Variants in NLN observed in about 807,000 individuals in gnomAD.
NLN encodes neurolysin, also known as neurolysin, mitochondrial.
Under a neutral mutation model 79.9 loss-of-function variants are expected in NLN, and 64 were observed. That is an observed-to-expected ratio of 0.80 (90% CI 0.65 to 0.99). NLN has a LOEUF of 0.99. Ranked by LOEUF, NLN falls within the 50% of genes least tolerant of loss-of-function variation. The pLI is 0.00. For synonymous variants in NLN, 267 were observed against 296.6 expected (o/e 0.90, Z 1.02); for missense variants, 835 against 858.7 (o/e 0.97, Z 0.34).
rs942919461 is a variant in NLN, at chr5:65,827,965, C to G, written c.*5050C>G. On this transcript the variant is annotated 3_prime_UTR_variant, in exon 13 of 13. Coordinates refer to ENST00000380985, the MANE Select transcript of NLN (RefSeq NM_020726.5). The stretch of plus-strand genomic sequence containing the variant: ...CCCGGAGGTGGAGGTTGCAGTGAGC[C>G]GACATTGTGCCGCTTCATTCCAGCC... 4 of 152,158 alleles carry G rather than the reference C, an allele frequency of 2.6e-5. No individual in the cohort carries two copies. Among genetic ancestry groups the G allele is most frequent in the Non-Finnish European group, 5.9e-5 (4 of 68,048 alleles). The allele number at this position is 152,158 out of a possible 1,614,324, so 9.4% of individuals were successfully genotyped here. A position where few individuals can be genotyped will look rare whatever the true frequency, so the allele number is the denominator to read the frequency against.
chr5:65,754,340 T>G (rs1236998252), intron 1 of NLN, among the ~76,000 whole-genome samples: 2 of 152,160 alleles, frequency 1.3e-5, no homozygotes, highest in Admixed American at 1.3e-4. Context: ...GTACTCACAC[T>G]TAGTGGGAAT....
In NLN at chr5:65,756,146, T is replaced by C. The variant is rs568004487; in HGVS notation, c.42-2421T>C. Among the ~76,000 whole-genome samples the C allele has an allele frequency of 3.9e-5, 6 of 152,312 alleles. No individual in the cohort carries two copies. In the South Asian group the frequency reaches 1.2e-3, roughly 32 times the overall value. Reference sequence around the variant, plus strand: ...GGTCCTAGAACCCATATTGGCCTAATATTCCTTCTCCCTCAGTGATCATAT... The same window carrying C: ...GGTCCTAGAACCCATATTGGCCTAACATTCCTTCTCCCTCAGTGATCATAT... On this transcript the variant is annotated intron_variant, in intron 1 of 12. Transcript: ENST00000380985.
In NLN at chr5:65,809,503, T is replaced by A; in HGVS notation, c.1528-12T>A. 6.4e-7 allele frequency: 1 copy of A among 1,572,870 alleles called. No homozygotes were observed. Among genetic ancestry groups the A allele is most frequent in the Admixed American group, 2.0e-5 (1 of 49,054 alleles). On this transcript the variant is annotated splice_polypyrimidine_tract_variant and intron_variant, in intron 9 of 12. Transcript: ENST00000380985. ...GAGTTCTTTAAAAAAATTCTCTGTG[T>A]TTGCTTTCTAGACTGATTTTGCACG...
At chr5:65,783,126 G>C (rs1759834243) in intron 6 of NLN, among the ~76,000 whole-genome samples, 1 of 152,170 alleles carries the variant, frequency 6.6e-6, no homozygotes, top group Non-Finnish European at 1.5e-5. Flanking sequence ...AAGTAGATTA[G>C]AGGTTACCAG....
At position 65,828,517 on chromosome 5, in the gene NLN, GGA is replaced by G. The variant is rs1760962078; in HGVS notation, c.*5609_*5610del. 6.6e-6 allele frequency: 1 copy of G among 152,160 alleles called. No individual in the cohort carries two copies. The highest frequency in any genetic ancestry group is 2.4e-5 in the African/African-American group (1 of 41,434). The allele number at this position is 152,160 out of a possible 1,614,324, so 9.4% of individuals were successfully genotyped here. On this transcript the variant is annotated 3_prime_UTR_variant, in exon 13 of 13. Coordinates refer to ENST00000380985, the MANE Select transcript of NLN (RefSeq NM_020726.5). ...TGTTTTCAAATTCTTGAAGGAAATG[GGA>G]GAGAGAATAGGCTAATTCTGTATTG...
intron 7 of NLN, 69 bp from the exon 8 acceptor site, chr5:65,788,049 C>G (rs909226780): frequency 4.8e-6 from 7 of 1,468,222 alleles, no homozygotes; most frequent in Admixed American, 1.9e-5. Flanking sequence ...TGCTAAAACA[C>G]AGGTGGTATT....
In NLN at chr5:65,811,112, T is replaced by A. The variant is rs200230773; in HGVS notation, c.1843+947T>A. The stretch of plus-strand genomic sequence containing the variant: ...ACTCATGCATGGGCGTGTTTATATT[T>A]GTATGTGTATGTTTTAAGCCAATAT... On this transcript the variant is annotated intron_variant, in intron 11 of 12. Transcript: ENST00000380985. Among the ~76,000 whole-genome samples the A allele has an allele frequency of 4.7e-4, 71 of 152,362 alleles. 1 individual carries two copies. The East Asian group carries it at 0.013, about 28-fold the overall frequency.
chr5:65,778,565 A>G (rs1322108405), intron 4 of NLN, among the ~76,000 whole-genome samples: 1 of 152,228 alleles, frequency 6.6e-6, no homozygotes, highest in African/African-American at 2.4e-5. Context: ...TGTTTGGAGC[A>G]TGAACACTGT....
intron 1 of NLN, among the ~76,000 whole-genome samples, chr5:65,728,741 G>C (rs570815943): frequency 6.6e-6 from 1 of 152,284 alleles, no homozygotes; most frequent in East Asian, 1.9e-4. Flanking sequence ...AAATTCAGGA[G>C]TTGTGGTCTG....
intron 12 of NLN, among the ~76,000 whole-genome samples, chr5:65,814,544 A>G (rs929505667): frequency 1.3e-5 from 2 of 152,144 alleles, no homozygotes; most frequent in Admixed American, 6.6e-5. Context: ...TCCAAAACCA[A>G]AAGTGATCTT....
At chr5:65,812,517 G>A (rs1011938761) in intron 12 of NLN, 126 bp downstream of exon 12, 12 of 636,446 alleles carry the variant, frequency 1.9e-5, no homozygotes, top group African/African-American at 1.5e-4. Flanking sequence ...TTACCTCTGA[G>A]GCCCTGCATC....
chr5:65,809,688 G>T lies in NLN; in HGVS notation c.1701G>T (p.Arg567Ser). The change falls in exon 10 of 13, where the codon AGG (arginine) becomes AGT (serine). Residue 567 changes from arginine (R) to serine (S), a missense_variant. Physicochemically the swap from Arg to Ser is moderately radical, Grantham distance 110. Transcript: ENST00000380985. ...DDLLEKLVAS[R>S]LVNTGLLTLR... ...TGCTTGAAAAACTTGTTGCTTCTAG[G>T]CTGGTCAACACAGGTATGACTTCTA... 6.2e-7 allele frequency: 1 copy of T among 1,605,428 alleles called. No homozygotes were observed. Among genetic ancestry groups the T allele is most frequent in the Non-Finnish European group, 8.5e-7 (1 of 1,177,230 alleles).
intron 12 of NLN, among the ~76,000 whole-genome samples, chr5:65,820,755 T>C (rs1323563106): frequency 6.6e-6 from 1 of 151,854 alleles, no homozygotes; most frequent in African/African-American, 2.4e-5. Flanking sequence ...CGAAAGCTAA[T>C]TGAAGGCTGG....
intron 9 of NLN, among the ~76,000 whole-genome samples, chr5:65,802,626 C>T (rs925901203): frequency 1.3e-5 from 2 of 152,174 alleles, no homozygotes; most frequent in Admixed American, 1.3e-4. Flanking sequence ...GAGTTCCTGT[C>T]CCGTGCCCAG....
chr5:65,820,458 G>C (rs544304520), intron 12 of NLN, among the ~76,000 whole-genome samples: 27 of 152,178 alleles, frequency 1.8e-4, no homozygotes, highest in African/African-American at 6.5e-4. Context: ...CATTGTCTGC[G>C]TTCTTCCTGT....
chr5:65,781,392 G>C lies in NLN; in HGVS notation c.793G>C (p.Glu265Gln). ...TATCCCTGAAACCAGAAGAAGGATG[G>C]AAATGGCTTTTAATACAAGGTGCAA... ...CCIPETRRRM[E>Q]MAFNTRCKEE... Residue 265 changes from glutamate to glutamine, a missense_variant, in exon 6 of 13, where the codon GAA becomes CAA. Coordinates refer to ENST00000380985, the MANE Select transcript of NLN (RefSeq NM_020726.5). 6.2e-7 allele frequency: 1 copy of C among 1,609,216 alleles called. No individual in the cohort carries two copies. The highest frequency in any genetic ancestry group is 8.5e-7 in the Non-Finnish European group (1 of 1,175,902).
chr5:65,768,859 T>C (rs1253121534), intron 3 of NLN, among the ~76,000 whole-genome samples: 2 of 152,228 alleles, frequency 1.3e-5, no homozygotes, highest in Admixed American at 1.3e-4. Flanking sequence ...GAACTGCCCT[T>C]CTGACCTCAT....
In NLN at chr5:65,758,623, C is replaced by A; in HGVS notation, c.98C>A (p.Pro33His). 6.2e-7 allele frequency: 1 copy of A among 1,610,510 alleles called. No homozygotes were observed. ...RMTLGREVMS[P>H]LQAMSSYTVA... Reference sequence around the variant, plus strand: ...ACGTTAGGAAGAGAAGTGATGTCTCCTCTTCAGGCAATGTCTTCCTATACT... The same window carrying A: ...ACGTTAGGAAGAGAAGTGATGTCTCATCTTCAGGCAATGTCTTCCTATACT... The change falls in exon 2 of 13, where the codon CCT (proline) becomes CAT (histidine). Residue 33 changes from proline to histidine, a missense_variant. Coordinates refer to ENST00000380985, the MANE Select transcript of NLN (RefSeq NM_020726.5).
At chr5:65,754,741 C>G (rs1030595272) in intron 1 of NLN, among the ~76,000 whole-genome samples, 1 of 152,076 alleles carries the variant, frequency 6.6e-6, no homozygotes, top group African/African-American at 2.4e-5. Context: ...CCCCCAGAGG[C>G]CCCCTCCAAC....
Sources: gnomAD v4.1 joint callset for allele counts (sites outside exome capture counted in the v4.1 genomes callset) on GRCh38, gnomAD v4.1.1 for gene constraint, MANE v1.5 for transcripts, NCBI Gene and HGNC (gene_info 2026-07-23, HGNC 2026-07-21) for gene names.